Variants in PARP4 observed in about 807,000 individuals in gnomAD.
PARP4 encodes the protein poly(ADP-ribose) polymerase family member 4, also known as protein mono-ADP-ribosyltransferase PARP4.
PARP4 carries 120 observed loss-of-function variants against 187.7 expected under a neutral mutation model. The observed-to-expected ratio is 0.64, with a 90% confidence interval of 0.55 to 0.74. PARP4 has a LOEUF of 0.74. Ranked by LOEUF, PARP4 falls within the 30% of genes least tolerant of loss-of-function variation. The pLI is 0.00. For missense variants in PARP4, 1,836 were observed against 2,070.5 expected (o/e 0.89, Z 2.20); for synonymous variants, 654 against 740.9 (o/e 0.88, Z 1.90).
rs1481978157 is a variant in PARP4 at position 24,462,982 on chromosome 13, GA to G, written c.2134-2847del. On this transcript the variant is annotated intron_variant, in intron 17 of 33. Coordinates refer to ENST00000381989, the MANE Select transcript of PARP4 (RefSeq NM_006437.4). ...ATGAGGGAGAAGAAATATTTCAATA[GA>G]TAAAGATCAAGACTGTCCCAAAATG... is the stretch of plus-strand genomic sequence containing the variant. Among the ~76,000 whole-genome samples the G allele has an allele frequency of 1.4e-3, 216 of 152,242 alleles. 2 individuals are homozygous for G. Among genetic ancestry groups the G allele is most frequent in the Admixed American group, 0.011 (166 of 15,282 alleles).
chr13:24,460,369 T>C (rs1246081717), intron 17 of PARP4, among the ~76,000 whole-genome samples: 1 of 151,980 alleles, frequency 6.6e-6, no homozygotes, highest in Non-Finnish European at 1.5e-5. Context: ...GGGGCCCCCT[T>C]GGCAGCGGAA....
intron 1 of PARP4, among the ~76,000 whole-genome samples, chr13:24,508,979 A>AT: frequency 6.6e-6 from 1 of 152,326 alleles, no homozygotes; most frequent in East Asian, 1.9e-4. Flanking sequence ...ATCATTTCTG[A>AT]TTTTTGGTAT....
intron 9 of PARP4, among the ~76,000 whole-genome samples, chr13:24,491,415 G>A (rs1014977550): frequency 2.6e-5 from 4 of 152,110 alleles, no homozygotes; most frequent in Non-Finnish European, 2.9e-5. Flanking sequence ...CACCACACCC[G>A]ACTGACAGAC....
At chr13:24,470,632 T>C (rs1872688657) in intron 15 of PARP4, among the ~76,000 whole-genome samples, 2 of 152,068 alleles carry the variant, frequency 1.3e-5, no homozygotes, top group South Asian at 4.2e-4. Context: ...ATTTGAAAAT[T>C]AAGAAAAAAC....
chr13:24,464,464 A>G (rs1457680554), intron 17 of PARP4, among the ~76,000 whole-genome samples: 1 of 152,202 alleles, frequency 6.6e-6, no homozygotes, highest in East Asian at 1.9e-4. Context: ...AGACCAATGG[A>G]ACAGAATAGA....
chr13:24,449,661 C>A, intron 25 of PARP4, 57 bp downstream of exon 25: 1 of 983,262 alleles, frequency 1.0e-6, no homozygotes, highest in South Asian at 1.4e-5. Context: ...TTCTTAGTCT[C>A]GGAAGAATAA....
At chr13:24,481,386 CTTA>C (rs1262919602) in intron 12 of PARP4, among the ~76,000 whole-genome samples, 3 of 152,188 alleles carry the variant, frequency 2.0e-5, no homozygotes, top group Non-Finnish European at 4.4e-5. Context: ...GCTTTCAAGT[CTTA>C]TTATTTAAGA....
At chr13:24,494,814 G>T in intron 6 of PARP4, 92 bp from the exon 7 acceptor site, 2 of 763,436 alleles carry the variant, frequency 2.6e-6, no homozygotes, top group East Asian at 2.9e-5. Flanking sequence ...TTGACATGAA[G>T]AAGCTTAGAA....
At chr13:24,436,884 T>G (rs534081088) in intron 30 of PARP4, among the ~76,000 whole-genome samples, 1 of 152,286 alleles carries the variant, frequency 6.6e-6, no homozygotes, top group African/African-American at 2.4e-5. Context: ...AGTTTATACC[T>G]GAATAATTAA....
intron 14 of PARP4, among the ~76,000 whole-genome samples, chr13:24,476,730 G>A (rs1873005398): frequency 6.6e-6 from 1 of 152,136 alleles, no homozygotes. Context: ...ATGTTAATGT[G>A]TTCTTACAGT....
intron 30 of PARP4, among the ~76,000 whole-genome samples, chr13:24,440,561 T>G (rs927097014): frequency 2.6e-5 from 4 of 152,060 alleles, no homozygotes; most frequent in African/African-American, 9.7e-5. Context: ...TTATCAAATA[T>G]CCAGGAGCTA....
chr13:24,486,132 C>A, intron 11 of PARP4, 36 bp downstream of exon 11: 1 of 1,569,824 alleles, frequency 6.4e-7, no homozygotes, highest in Non-Finnish European at 8.6e-7. Context: ...ATTTGTGAGC[C>A]TGAAATTTTT....
chr13:24,503,262 A>G (rs1317153737), intron 2 of PARP4, among the ~76,000 whole-genome samples: 3 of 152,258 alleles, frequency 2.0e-5, no homozygotes, highest in Non-Finnish European at 4.4e-5. Flanking sequence ...GCTTACCAGT[A>G]TATCACCCCA....
intron 1 of PARP4, among the ~76,000 whole-genome samples, chr13:24,509,152 AT>A (rs1471986653): frequency 3.3e-5 from 5 of 152,216 alleles, no homozygotes; most frequent in African/African-American, 1.2e-4. Context: ...AGCACCTAAA[AT>A]GATGGAAATG....
At chr13:24,474,030 G>T (rs1242538269) in intron 15 of PARP4, among the ~76,000 whole-genome samples, 1 of 152,112 alleles carries the variant, frequency 6.6e-6, no homozygotes, top group Non-Finnish European at 1.5e-5. Flanking sequence ...TCTCCTCCCT[G>T]GTCCTATGTA....
At chr13:24,509,414 G>A (rs1566025512) in intron 1 of PARP4, among the ~76,000 whole-genome samples, 2 of 151,786 alleles carry the variant, frequency 1.3e-5, no homozygotes, top group Admixed American at 6.6e-5. Flanking sequence ...GACTTAGGTG[G>A]GAGGATCACT....
At chr13:24,490,045 A>G (rs529738040) in intron 10 of PARP4, among the ~76,000 whole-genome samples, 2 of 152,190 alleles carry the variant, frequency 1.3e-5, no homozygotes, top group South Asian at 4.1e-4. Flanking sequence ...CCACCAGGTC[A>G]AAAGAGTCAG....
At chr13:24,441,111 C>T (rs921891235) in intron 30 of PARP4, among the ~76,000 whole-genome samples, 5 of 151,882 alleles carry the variant, frequency 3.3e-5, no homozygotes, top group Admixed American at 6.6e-5. Context: ...GGGCTCAAGT[C>T]GTCTGCTGCC....
chr13:24,504,442 T>G (rs901655668), intron 1 of PARP4, among the ~76,000 whole-genome samples: 5 of 149,768 alleles, frequency 3.3e-5, no homozygotes, highest in African/African-American at 1.2e-4. Context: ...GCCTCCCGAG[T>G]AGCTGGGACT....
Sources: allele counts gnomAD v4.1 joint callset (sites outside exome capture counted in the v4.1 genomes callset), GRCh38; gene constraint gnomAD v4.1.1; transcripts MANE v1.5; gene names NCBI Gene and HGNC (gene_info 2026-07-23, HGNC 2026-07-21).